ACTR3C: variants seen among roughly 807,000 people sequenced by gnomAD.
The protein encoded by ACTR3C is actin-related protein 3C.
A neutral mutation model predicts 26.3 loss-of-function variants in ACTR3C; 18 were observed. The observed-to-expected ratio is 0.68, with a 90% CI of 0.47 to 1.01. ACTR3C has a LOEUF of 1.01. Among genes scored for constraint, ACTR3C ranks in the 50% least tolerant of loss-of-function variants. ACTR3C has a pLI of 0.00. For missense variants in ACTR3C, 184 were observed against 250.7 expected (o/e 0.73, Z 1.80); for synonymous variants, 55 against 94.5 (o/e 0.58, Z 2.42).
the ACTR3C span, among the ~76,000 whole-genome samples, chr7:150,072,699 G>GAGGCAGGC: frequency 5.3e-5 from 8 of 152,086 alleles, no homozygotes; most frequent in African/African-American, 1.2e-4. Flanking sequence ...GAAATAAACT[G>GAGGCAGGC]AGGCAGGCAG....
the ACTR3C span, among the ~76,000 whole-genome samples, chr7:149,982,482 A>G: frequency 6.6e-6 from 1 of 152,118 alleles, no homozygotes; most frequent in Non-Finnish European, 1.5e-5. Context: ...TAGCCTTCAT[A>G]TTATCCCTGT....
At chr7:150,137,938 G>A in the ACTR3C span, among the ~76,000 whole-genome samples, 14 of 152,162 alleles carry the variant, frequency 9.2e-5, no homozygotes, top group Non-Finnish European at 1.5e-5. Context: ...TGATTCTTAG[G>A]CTTCTAGATG....
At chr7:149,931,720 T>C in the ACTR3C span, among the ~76,000 whole-genome samples, 1,149 of 152,218 alleles carry the variant, frequency 7.5e-3, 12 homozygotes, top group African/African-American at 0.026. Flanking sequence ...CTTTAAACTA[T>C]TGAAGAATAT....
intron 6 of ACTR3C, among the ~76,000 whole-genome samples, chr7:150,273,503 C>T (rs1834609952): frequency 6.6e-6 from 1 of 151,356 alleles, no homozygotes; most frequent in African/African-American, 2.4e-5. Flanking sequence ...CTCCTGGGCT[C>T]AAGCAATTCT....
chr7:150,034,927 C>T, the ACTR3C span, among the ~76,000 whole-genome samples: 24 of 137,610 alleles, frequency 1.7e-4, no homozygotes, highest in Middle Eastern at 4.7e-3. Context: ...GATGGGGGTA[C>T]TAACAGCCAG....
At chr7:150,182,865 T>C in the ACTR3C span, among the ~76,000 whole-genome samples, 1 of 151,078 alleles carries the variant, frequency 6.6e-6, no homozygotes, top group Non-Finnish European at 1.5e-5. Context: ...TAAATATTAA[T>C]GGACAAGGCT....
chr7:150,045,297 T>C, the ACTR3C span, among the ~76,000 whole-genome samples: 1 of 152,366 alleles, frequency 6.6e-6, no homozygotes, highest in Non-Finnish European at 1.5e-5. Context: ...TTTAGTAAAT[T>C]TGGGGGCATA....
the ACTR3C span, among the ~76,000 whole-genome samples, chr7:150,007,903 T>C: frequency 6.6e-6 from 1 of 152,260 alleles, no homozygotes; most frequent in South Asian, 2.1e-4. Flanking sequence ...GCCATTAAGT[T>C]AGAAAATGAT....
At chr7:150,162,609 C>T in the ACTR3C span, among the ~76,000 whole-genome samples, 498 of 152,184 alleles carry the variant, frequency 3.3e-3, 4 homozygotes, top group African/African-American at 0.011. Context: ...GCCAATGGGT[C>T]CAGCCGTAAG....
intron 1 of ACTR3C, among the ~76,000 whole-genome samples, chr7:150,320,149 AC>A (rs1376960364): frequency 1.3e-5 from 2 of 152,220 alleles, no homozygotes; most frequent in East Asian, 3.8e-4. Context: ...TTCACCCCAG[AC>A]CCCAAGGGCA....
the ACTR3C span, among the ~76,000 whole-genome samples, chr7:150,123,796 T>C: frequency 5.0e-4 from 76 of 152,322 alleles, 1 homozygote; most frequent in African/African-American, 1.6e-3. Flanking sequence ...AGAAGAAGTA[T>C]GCAGAATGAA....
chr7:150,118,941 A>C, the ACTR3C span, among the ~76,000 whole-genome samples: 2 of 39,308 alleles, frequency 5.1e-5, no homozygotes, highest in Non-Finnish European at 9.9e-5. Context: ...CAACATTCTT[A>C]AAAAAAAAAA....
chr7:150,293,808 C>T (rs1259386973), intron 2 of ACTR3C, among the ~76,000 whole-genome samples: 1 of 152,164 alleles, frequency 6.6e-6, no homozygotes, highest in Non-Finnish European at 1.5e-5. Context: ...TGGTGACACG[C>T]ACCTGTACTC....
At chr7:150,077,213 C>T in the ACTR3C span, among the ~76,000 whole-genome samples, 2 of 152,028 alleles carry the variant, frequency 1.3e-5, no homozygotes, top group African/African-American at 2.4e-5. Flanking sequence ...TCCATTAAAC[C>T]GAATGGCAAA....
At position 150,313,871 on chromosome 7, in the gene ACTR3C, AAAC is replaced by A. The variant is rs1423175974; in HGVS notation, c.-52+9595_-52+9597del. ...ACCTGCCTGGAGCCTGGAAAGCTAA[AAAC>A]AACCTTTCCCAGAAATCTTTGGAGC... On this transcript the variant is annotated intron_variant, in intron 1 of 7. Transcript: ENST00000683684. Among the ~76,000 whole-genome samples the A allele has an allele frequency of 2.0e-5, 3 of 152,218 alleles. No individual in the cohort carries two copies. In the East Asian group the frequency reaches 5.8e-4, roughly 29 times the overall value.
chr7:149,902,488 G>A, the ACTR3C span, among the ~76,000 whole-genome samples: 6 of 148,990 alleles, frequency 4.0e-5, no homozygotes, highest in African/African-American at 1.5e-4. Context: ...GGACAAGGTG[G>A]CTCATTCCTG....
the ACTR3C span, among the ~76,000 whole-genome samples, chr7:150,057,315 T>G: frequency 1.3e-5 from 2 of 151,452 alleles, no homozygotes; most frequent in African/African-American, 4.9e-5. Flanking sequence ...AGTTTCATTC[T>G]TTTTACCCAG....
At chr7:150,239,744 C>A (rs1029385592), downstream of ACTR3C, among the ~76,000 whole-genome samples, 2 of 149,938 alleles carry the variant, frequency 1.3e-5, no homozygotes, top group Non-Finnish European at 2.9e-5. Context: ...TAGCAAAAAT[C>A]TGGGCTGGTT....
At chr7:150,225,905 G>T in the ACTR3C span, among the ~76,000 whole-genome samples, 1 of 152,168 alleles carries the variant, frequency 6.6e-6, no homozygotes. Context: ...TATGATCACT[G>T]TTTTTGCCAT....
Sources: allele counts gnomAD v4.1 joint callset (sites outside exome capture counted in the v4.1 genomes callset), GRCh38; gene constraint gnomAD v4.1.1; transcripts MANE v1.5; gene names NCBI Gene and HGNC (gene_info 2026-07-23, HGNC 2026-07-21).